Variants in RAD51B observed in about 807,000 individuals in gnomAD.
The protein encoded by RAD51B is DNA repair protein RAD51 homolog 2.
RAD51B carries 38 observed loss-of-function variants against 42.2 expected under a neutral mutation model. The observed-to-expected ratio is 0.90, with a 90% CI of 0.70 to 1.18. The LOEUF (loss-of-function observed/expected upper bound fraction) is 1.18. Among genes scored for constraint, RAD51B ranks in the 50% most tolerant of loss-of-function variants. RAD51B has a pLI of 0.00. For missense variants in RAD51B, 373 were observed against 400.7 expected, an observed-to-expected ratio of 0.93 and a Z score of 0.59; for synonymous variants, 154 against 145.2, an observed-to-expected ratio of 1.06 and a Z score of -0.43.
chr14:67,890,264 C>T (rs2043177830), intron 7 of RAD51B, among the ~76,000 whole-genome samples: 1 of 151,996 alleles, frequency 6.6e-6, no homozygotes, highest in South Asian at 2.1e-4. Context: ...AGTTTGGCCC[C>T]TTCATTTTAC....
intron 10 of RAD51B, among the ~76,000 whole-genome samples, chr14:68,619,621 CA>C (rs1891902649): frequency 1.3e-5 from 2 of 152,072 alleles, no homozygotes; most frequent in Admixed American, 1.3e-4. Context: ...AAATGGAAAC[CA>C]AAGGTATGGT....
intron 7 of RAD51B, among the ~76,000 whole-genome samples, chr14:68,172,722 T>C (rs1270958420): frequency 1.3e-5 from 2 of 152,340 alleles, no homozygotes; most frequent in African/African-American, 4.8e-5. Context: ...TCTCATTCAA[T>C]TATTTTCTTT....
At chr14:68,336,311 G>A (rs1443653831) in intron 8 of RAD51B, among the ~76,000 whole-genome samples, 2 of 152,090 alleles carry the variant, frequency 1.3e-5, no homozygotes, top group Non-Finnish European at 2.9e-5. Context: ...ATGAGTCTTG[G>A]TTTTACAATA....
chr14:68,532,202 A>C (rs1288286412), intron 10 of RAD51B, among the ~76,000 whole-genome samples: 1 of 152,210 alleles, frequency 6.6e-6, no homozygotes, highest in Non-Finnish European at 1.5e-5. Context: ...CAAGGAGAAC[A>C]ATAGATTAAG....
intron 5 of RAD51B, among the ~76,000 whole-genome samples, chr14:67,879,448 G>GTT (rs961489084): frequency 6.8e-6 from 1 of 147,318 alleles, no homozygotes; most frequent in Non-Finnish European, 1.5e-5. Context: ...TTTGTTTTTT[G>GTT]TTTTTTTTTT....
chr14:67,846,352 A>G (rs2041614023), intron 4 of RAD51B, among the ~76,000 whole-genome samples: 1 of 152,132 alleles, frequency 6.6e-6, no homozygotes, highest in Non-Finnish European at 1.5e-5. Flanking sequence ...TTGCAGTGGC[A>G]ATGGCCACGC....
At chr14:68,421,955 C>A (rs922606979) in intron 9 of RAD51B, 38 of 1,554,186 alleles carry the variant, frequency 2.4e-5, no homozygotes, top group Non-Finnish European at 3.4e-5. Context: ...CAAATTTCTC[C>A]GTGTAGATGG....
chr14:68,316,352 A>G (rs942199590), intron 8 of RAD51B, among the ~76,000 whole-genome samples: 1 of 152,240 alleles, frequency 6.6e-6, no homozygotes, highest in African/African-American at 2.4e-5. Flanking sequence ...GTGCTGGTCA[A>G]GGAAGTGTTT....
chr14:68,341,922 C>T lies in RAD51B; in HGVS notation c.853+49942C>T, dbSNP rs73274136. Among the ~76,000 whole-genome samples the T allele has an allele frequency of 9.4e-3, 1,431 of 152,222 alleles. 22 individuals carry two copies. Among genetic ancestry groups the T allele is most frequent in the African/African-American group, 0.033 (1,362 of 41,514 alleles). Reference sequence around the variant, plus strand: ...CACAACTGCATATAGTGCACTTTCACATCCTGTGGCAAACAAAAATCTTTC... The same window carrying T: ...CACAACTGCATATAGTGCACTTTCATATCCTGTGGCAAACAAAAATCTTTC... On this transcript the variant is annotated intron_variant, in intron 8 of 10. Transcript: ENST00000471583.
At chr14:68,435,706 A>G (rs1007143936) in intron 9 of RAD51B, among the ~76,000 whole-genome samples, 4 of 152,160 alleles carry the variant, frequency 2.6e-5, no homozygotes, top group South Asian at 2.1e-4. Flanking sequence ...TAACTTTTTA[A>G]TAAAGCCATT....
chr14:68,429,171 T>G (rs1344191084), intron 9 of RAD51B, among the ~76,000 whole-genome samples: 1 of 152,194 alleles, frequency 6.6e-6, no homozygotes, highest in Non-Finnish European at 1.5e-5. Context: ...ACATTTGGGT[T>G]GGTTCCAAGT....
At chr14:67,850,273 A>G (rs774164574) in intron 4 of RAD51B, among the ~76,000 whole-genome samples, 1 of 152,230 alleles carries the variant, frequency 6.6e-6, no homozygotes, top group East Asian at 1.9e-4. Context: ...GATTACAGAC[A>G]TGAGTCACCG....
chr14:68,631,788 C>T (rs550128191), intron 10 of RAD51B, among the ~76,000 whole-genome samples: 38 of 152,292 alleles, frequency 2.5e-4, no homozygotes, highest in Non-Finnish European at 4.0e-4. Flanking sequence ...CCCTTGAAGA[C>T]GCCGCTCAGG....
intron 7 of RAD51B, among the ~76,000 whole-genome samples, chr14:67,966,520 C>CA (rs1203280431): frequency 6.6e-6 from 1 of 152,218 alleles, no homozygotes; most frequent in Non-Finnish European, 1.5e-5. Flanking sequence ...GCTTCTCTGA[C>CA]ATTCTCTCAC....
chr14:68,300,229 A>G (rs1049580929), intron 8 of RAD51B, among the ~76,000 whole-genome samples: 9 of 151,712 alleles, frequency 5.9e-5, no homozygotes, highest in Admixed American at 5.3e-4. Context: ...TCCTTCTTCC[A>G]TTTATTATTT....
At chr14:68,529,634 A>T (rs1408329336) in intron 10 of RAD51B, among the ~76,000 whole-genome samples, 1 of 152,220 alleles carries the variant, frequency 6.6e-6, no homozygotes, top group Admixed American at 6.5e-5. Flanking sequence ...TTAAATCATC[A>T]CTTGATTCTG....
At chr14:68,334,916 A>G (rs1169939623) in intron 8 of RAD51B, among the ~76,000 whole-genome samples, 4 of 147,902 alleles carry the variant, frequency 2.7e-5, no homozygotes, top group East Asian at 1.9e-4. Flanking sequence ...GATATATTTT[A>G]TGATATATAT....
intron 5 of RAD51B, among the ~76,000 whole-genome samples, chr14:67,875,601 G>A (rs1595046471): frequency 6.6e-6 from 1 of 152,160 alleles, no homozygotes; most frequent in East Asian, 1.9e-4. Context: ...TGTAGCCTAG[G>A]AGCAATAGGC....
At chr14:68,160,935 T>C (rs2078626540) in intron 7 of RAD51B, among the ~76,000 whole-genome samples, 1 of 152,212 alleles carries the variant, frequency 6.6e-6, no homozygotes, top group African/African-American at 2.4e-5. Flanking sequence ...ATTGAAACTC[T>C]CTTGGAATGT....
Sources: allele counts gnomAD v4.1 joint callset (sites outside exome capture counted in the v4.1 genomes callset), GRCh38; gene constraint gnomAD v4.1.1; transcripts MANE v1.5; gene names NCBI Gene and HGNC (gene_info 2026-07-23, HGNC 2026-07-21).